The following MYLK variants were observed in gnomAD, a reference collection of about 807,000 sequenced individuals.
MYLK encodes the protein myosin light chain kinase, smooth muscle.
A neutral mutation model predicts 203.4 loss-of-function variants in MYLK; 106 were observed. That is an observed-to-expected ratio of 0.52 (90% CI 0.45 to 0.61). MYLK has a LOEUF of 0.61. Among genes scored for constraint, MYLK ranks in the 20% least tolerant of loss-of-function variants. MYLK has a pLI of 0.00. For synonymous variants in MYLK, 867 were observed against 959.5 expected, an observed-to-expected ratio of 0.90 and a Z score of 1.78; for missense variants, 2,072 against 2,442.3, an observed-to-expected ratio of 0.85 and a Z score of 3.20.
rs931506861 is a variant in MYLK, at chr3:123,784,510, G to GTCACTATAT, written c.165+9158_165+9166dup. ...CACTGTGTAAGATGGGGACATTAGT[G>GTCACTATAT]TCACTATATTTTTCTCTTCCTCTGT... On this transcript the variant is annotated intron_variant, in intron 4 of 33. Coordinates refer to ENST00000360304, the MANE Select transcript of MYLK (RefSeq NM_053025.4). 1.1e-4 allele frequency among the ~76,000 whole-genome samples: 16 copies of GTCACTATAT among 148,218 alleles called. No homozygotes were observed. The South Asian group carries it at 1.9e-3, about 18-fold the overall frequency.
chr3:123,793,013 T>A lies in MYLK; in HGVS notation c.165+664A>T, dbSNP rs950498179. On this transcript the variant is annotated intron_variant, in intron 4 of 33. Coordinates refer to ENST00000360304, the MANE Select transcript of MYLK (RefSeq NM_053025.4). ...GTCCGGCATCATGCAAAAAGAATCA[T>A]CCACCTGACCCCCTCCTACAAGCTT... Among the ~76,000 whole-genome samples the A allele has an allele frequency of 3.3e-4, 50 of 152,258 alleles. 1 individual carries two copies. Among genetic ancestry groups the A allele is most frequent in the African/African-American group, 1.2e-3 (50 of 41,542 alleles).
intron 4 of MYLK, among the ~76,000 whole-genome samples, chr3:123,764,503 C>G (rs1281361660): frequency 6.6e-6 from 1 of 152,142 alleles, no homozygotes; most frequent in Non-Finnish European, 1.5e-5. Context: ...GTCTGTCTAC[C>G]AGCATTTAGT....
rs1042205525 is a variant in MYLK, at chr3:123,700,058, G to A, written c.3410C>T (p.Thr1137Ile). ...ATIIWTLNGK[T>I]LKTTKFIILS... ...GATGATGAACTTGGTGGTCTTGAGG[G>A]TCTTTCCGTTCAGCGTCCAGATGAT... Residue 1137 changes from threonine to isoleucine, a missense_variant, in exon 18 of 34, where the codon ACC becomes ATC. Physicochemically the swap from Thr to Ile is moderately conservative, Grantham distance 89 (BLOSUM62 -1). Around this residue, in one of 3 missense-constraint regions of MYLK, gnomAD observed 865 missense variants for 1,016.0 expected, o/e 0.85. Transcript: ENST00000360304. 6.2e-7 allele frequency: 1 copy of A among 1,613,944 alleles called. No individual in the cohort carries two copies. Among genetic ancestry groups the A allele is most frequent in the Non-Finnish European group, 8.5e-7 (1 of 1,180,022 alleles).
At chr3:123,878,248 A>G (rs1052729896) in intron 1 of MYLK, among the ~76,000 whole-genome samples, 2 of 152,204 alleles carry the variant, frequency 1.3e-5, no homozygotes, top group Non-Finnish European at 2.9e-5. Flanking sequence ...GCCTCATCAG[A>G]TGAGTAGAGA....
At chr3:123,799,228 T>G (rs1471914540) in intron 3 of MYLK, among the ~76,000 whole-genome samples, 1 of 135,546 alleles carries the variant, frequency 7.4e-6, no homozygotes, top group South Asian at 2.6e-4. Context: ...CGCCCACCTC[T>G]AAATGAGGCT....
intron 4 of MYLK, among the ~76,000 whole-genome samples, chr3:123,780,818 C>T (rs181883452): frequency 3.9e-5 from 6 of 152,288 alleles, no homozygotes; most frequent in Admixed American, 3.3e-4. Flanking sequence ...GTCCTAGGTG[C>T]TATAGAGAAC....
intron 27 of MYLK, 187 bp downstream of exon 27, chr3:123,647,037 G>C (rs2059043919): frequency 1.6e-6 from 1 of 636,948 alleles, no homozygotes; most frequent in Non-Finnish European, 2.8e-6. Context: ...CTCAGGGCCA[G>C]CACTGTGCAC....
At chr3:123,858,471 T>C (rs1484539539) in intron 2 of MYLK, among the ~76,000 whole-genome samples, 1 of 152,122 alleles carries the variant, frequency 6.6e-6, no homozygotes, top group Non-Finnish European at 1.5e-5. Flanking sequence ...TTACAGAGGC[T>C]GAGAAGTACA....
intron 2 of MYLK, among the ~76,000 whole-genome samples, chr3:123,840,694 GA>G (rs1048926793): frequency 6.6e-6 from 1 of 151,516 alleles, no homozygotes; most frequent in African/African-American, 2.4e-5. Flanking sequence ...AATATATTTT[GA>G]AAAAAATATA....
In MYLK at chr3:123,657,304, G is replaced by C. The variant is rs199971683; in HGVS notation, c.4110C>G (p.Ile1370Met). The change falls in exon 24 of 34, where the codon ATC becomes ATG. Residue 1370 changes from isoleucine to methionine, a missense_variant. By Grantham distance (10) the Ile-to-Met change is conservative. Coordinates refer to ENST00000360304, the MANE Select transcript of MYLK (RefSeq NM_053025.4). Reference protein sequence around the residue: ...GSAVQSYSIEIWDSANKTWKE... With the variant: ...GSAVQSYSIEMWDSANKTWKE... Reference sequence around the variant, plus strand: ...TCCACGTCTTGTTGGCTGAGTCCCAGATCTCGATGCTGTAGGACTGTACAG... The same window carrying C: ...TCCACGTCTTGTTGGCTGAGTCCCACATCTCGATGCTGTAGGACTGTACAG... The C allele has an allele frequency of 1.4e-5, 23 of 1,614,016 alleles. No homozygotes were observed. The highest frequency in any genetic ancestry group is 1.9e-5 in the Non-Finnish European group (23 of 1,180,040).
chr3:123,740,775 C>T (rs926210355), intron 5 of MYLK, among the ~76,000 whole-genome samples: 4 of 152,230 alleles, frequency 2.6e-5, no homozygotes, highest in African/African-American at 9.6e-5. Context: ...CACTGCCAGT[C>T]GGTCCTAGGT....
At chr3:123,685,330 C>T (rs543264243) in intron 19 of MYLK, among the ~76,000 whole-genome samples, 14 of 152,324 alleles carry the variant, frequency 9.2e-5, no homozygotes, top group African/African-American at 2.2e-4. Flanking sequence ...TGGTGGCTCA[C>T]GCCTGTAATC....
At chr3:123,618,488 A>G (rs2057643162) in intron 33 of MYLK, 151 bp downstream of exon 33, 3 of 987,628 alleles carry the variant, frequency 3.0e-6, no homozygotes, top group Non-Finnish European at 3.1e-6. Flanking sequence ...CTTTATGAGC[A>G]GCTCCTGCTG....
At chr3:123,750,441 T>C (rs886893441) in intron 5 of MYLK, among the ~76,000 whole-genome samples, 5 of 152,134 alleles carry the variant, frequency 3.3e-5, no homozygotes, top group African/African-American at 1.2e-4. Context: ...CAGATCTCAC[T>C]TCCTGAACAG....
Position 123,737,385 on chromosome 3 carries a change from G to A in MYLK, c.747C>T (p.Ser249=), listed in dbSNP as rs185675064. 1.9e-6 allele frequency: 3 copies of A among 1,614,168 alleles called. No homozygotes were observed. The highest frequency in any genetic ancestry group is 2.7e-5 in the African/African-American group (2 of 75,052). The part of the protein sequence containing the change: ...SGKASMSAEL[S]IQGLDSANRS... ...CCGTCCACTGGTCGATACCTTGGATGGAAAGTTCAGCTGACATCGAGGCCT... is the reference window on the plus strand; with the variant it reads ...CCGTCCACTGGTCGATACCTTGGATAGAAAGTTCAGCTGACATCGAGGCCT... The change falls in exon 8 of 34, where the codon TCC becomes TCT. Residue 249 remains serine (S), a synonymous_variant. Transcript: ENST00000360304.
chr3:123,861,721 A>C (rs1306845110), intron 2 of MYLK, among the ~76,000 whole-genome samples: 1 of 152,194 alleles, frequency 6.6e-6, no homozygotes, highest in Non-Finnish European at 1.5e-5. Context: ...ACAGAGTCTC[A>C]ACAGGTACCC....
At chr3:123,817,523 A>G (rs562876702) in intron 3 of MYLK, among the ~76,000 whole-genome samples, 127 of 152,204 alleles carry the variant, frequency 8.3e-4, no homozygotes, top group Admixed American at 1.4e-3. Flanking sequence ...GGGCCGTAGC[A>G]AGGTCATCAC....
chr3:123,687,914 A>C (rs2060520901), intron 19 of MYLK, among the ~76,000 whole-genome samples: 1 of 152,032 alleles, frequency 6.6e-6, no homozygotes. Flanking sequence ...CAAGCAATTC[A>C]CCTGCTTCTC....
chr3:123,882,608 T>C (rs2033613594), intron 1 of MYLK, among the ~76,000 whole-genome samples: 1 of 152,092 alleles, frequency 6.6e-6, no homozygotes, highest in Admixed American at 6.5e-5. Context: ...CTTTGTATCA[T>C]CAGTGAACAA....
Sources: allele counts gnomAD v4.1 joint callset (sites outside exome capture counted in the v4.1 genomes callset), GRCh38; gene constraint gnomAD v4.1.1; regional missense constraint gnomAD v4.1.1; transcripts MANE v1.5; gene names NCBI Gene and HGNC (gene_info 2026-07-23, HGNC 2026-07-21).